Variants in SDK1 observed in about 807,000 individuals in gnomAD.
SDK1 encodes sidekick cell adhesion molecule 1.
A neutral mutation model predicts 245.5 loss-of-function variants in SDK1; 157 were observed. That is an observed-to-expected ratio of 0.64 (90% CI 0.56 to 0.73). SDK1 has a LOEUF of 0.73. Ranked by LOEUF, SDK1 falls within the 30% of genes least tolerant of loss-of-function variation. SDK1 has a pLI of 0.00. For missense variants in SDK1, 3,583 were observed against 3,002.3 expected, an observed-to-expected ratio of 1.19 and a Z score of -4.52; for synonymous variants, 1,647 against 1,278.5, an observed-to-expected ratio of 1.29 and a Z score of -6.15.
intron 1 of SDK1, among the ~76,000 whole-genome samples, chr7:3,378,834 T>C (rs1016152986): frequency 2.8e-4 from 42 of 152,150 alleles, no homozygotes; most frequent in Middle Eastern, 6.8e-3. Flanking sequence ...CGGGGTGGGC[T>C]TCTGCTCCAC....
intron 20 of SDK1, among the ~76,000 whole-genome samples, chr7:4,068,586 G>A (rs933931284): frequency 2.0e-5 from 3 of 152,008 alleles, no homozygotes; most frequent in Admixed American, 6.6e-5. Context: ...CAGGTACTTC[G>A]GAGGAGGTTC....
intron 5 of SDK1, among the ~76,000 whole-genome samples, chr7:3,943,269 C>A (rs1780436640): frequency 6.6e-6 from 1 of 150,928 alleles, no homozygotes; most frequent in South Asian, 2.1e-4. Context: ...GCTCAGAGCC[C>A]TGAGGGCAGG....
intron 17 of SDK1, among the ~76,000 whole-genome samples, chr7:4,043,720 T>C (rs183182587): frequency 9.8e-5 from 15 of 152,328 alleles, no homozygotes; most frequent in African/African-American, 3.4e-4. Flanking sequence ...ATTTAAATTA[T>C]GCAAATTTTT....
intron 1 of SDK1, among the ~76,000 whole-genome samples, chr7:3,385,338 A>G (rs2128568193): frequency 6.6e-6 from 1 of 152,320 alleles, no homozygotes; most frequent in Admixed American, 6.5e-5. Flanking sequence ...ATTAAAAAAC[A>G]AATGTAACTT....
chr7:3,999,585 G>A (rs913486747), intron 14 of SDK1, among the ~76,000 whole-genome samples: 1 of 152,158 alleles, frequency 6.6e-6, no homozygotes, highest in South Asian at 2.1e-4. Flanking sequence ...GAGGCTGGTG[G>A]CCAAGGACTC....
chr7:3,342,458 C>G (rs1461032199), intron 1 of SDK1, among the ~76,000 whole-genome samples: 1 of 152,040 alleles, frequency 6.6e-6, no homozygotes, highest in East Asian at 1.9e-4. Context: ...TGTGGTGGCA[C>G]ATGCCTGTAA....
intron 2 of SDK1, among the ~76,000 whole-genome samples, chr7:3,626,195 C>T (rs1032133499): frequency 1.3e-5 from 2 of 152,008 alleles, no homozygotes; most frequent in Non-Finnish European, 2.9e-5. Context: ...CTGCCTTGGT[C>T]TCCCAAAGTG....
At chr7:4,047,986 C>G (rs1789143497) in intron 17 of SDK1, among the ~76,000 whole-genome samples, 1 of 152,178 alleles carries the variant, frequency 6.6e-6, no homozygotes, top group Non-Finnish European at 1.5e-5. Flanking sequence ...CGAGGGGCAT[C>G]ACAGCCATGA....
In SDK1 at chr7:3,511,229, C is replaced by T. The variant is rs992249251; in HGVS notation, c.299-107851C>T. 3.9e-5 allele frequency among the ~76,000 whole-genome samples: 6 copies of T among 152,312 alleles called. No homozygotes were observed. The South Asian group carries it at 6.2e-4, about 16-fold the overall frequency. ...AATTTCATATTTTCCTTCTTGGGTA[C>T]TTACAAGATAATTTAGTACTTCTGA... On this transcript the variant is annotated intron_variant, in intron 1 of 44. Transcript: ENST00000404826.
At chr7:4,215,357 A>C (rs1164424797) in intron 38 of SDK1, among the ~76,000 whole-genome samples, 1 of 152,162 alleles carries the variant, frequency 6.6e-6, no homozygotes, top group African/African-American at 2.4e-5. Flanking sequence ...GAGTCCCCCT[A>C]CACCGACTCT....
intron 4 of SDK1, among the ~76,000 whole-genome samples, chr7:3,782,984 C>G (rs1419486367): frequency 6.6e-6 from 1 of 152,106 alleles, no homozygotes; most frequent in Non-Finnish European, 1.5e-5. Flanking sequence ...AAAATACTAA[C>G]AAACTGAATT....
At chr7:3,947,359 T>G (rs1205029074) in intron 5 of SDK1, among the ~76,000 whole-genome samples, 5 of 152,230 alleles carry the variant, frequency 3.3e-5, no homozygotes, top group Non-Finnish European at 7.3e-5. Context: ...ATCTGGCATT[T>G]TAGACTATGG....
intron 4 of SDK1, among the ~76,000 whole-genome samples, chr7:3,754,327 T>C (rs1380600487): frequency 6.6e-6 from 1 of 152,228 alleles, no homozygotes; most frequent in African/African-American, 2.4e-5. Context: ...GTCAAGATAA[T>C]TTAATTTTAC....
intron 38 of SDK1, among the ~76,000 whole-genome samples, chr7:4,217,198 GGAGCACCAGGCCACCCA>G (rs1280098967): frequency 7.3e-6 from 1 of 137,816 alleles, no homozygotes; most frequent in Non-Finnish European, 1.6e-5. Context: ...CCTGCCACCC[GGAGCACCAGGCCACCCA>G]GAGCACCAGG....
At position 3,608,573 on chromosome 7, in the gene SDK1, G is replaced by A. The variant is rs138829695; in HGVS notation, c.299-10507G>A. 7.9e-5 allele frequency among the ~76,000 whole-genome samples: 12 copies of A among 152,252 alleles called. No homozygotes were observed. The East Asian group carries it at 1.7e-3, about 22-fold the overall frequency. Reference sequence around the variant, plus strand: ...TGCCCACCATGAGCTTGACACTTTCGCATTATTTAAGGAGGTGTCTGATGA... The same window carrying A: ...TGCCCACCATGAGCTTGACACTTTCACATTATTTAAGGAGGTGTCTGATGA... On this transcript the variant is annotated intron_variant, in intron 1 of 44. Transcript: ENST00000404826.
intron 1 of SDK1, among the ~76,000 whole-genome samples, chr7:3,480,770 A>G (rs897367617): frequency 1.3e-5 from 2 of 152,216 alleles, no homozygotes; most frequent in African/African-American, 4.8e-5. Context: ...CTATGAGTCA[A>G]AGGATGCAGG....
In SDK1 at chr7:3,573,167, A is replaced by T. The variant is rs994165780; in HGVS notation, c.299-45913A>T. ...GAGTTTTAAATGGGGTGCTTATCTG[A>T]TGAAATACTTAGGAAGATTACCCTG... On this transcript the variant is annotated intron_variant, in intron 1 of 44. Coordinates refer to ENST00000404826, the MANE Select transcript of SDK1 (RefSeq NM_152744.4). Among the ~76,000 whole-genome samples, 2 of 152,106 alleles carry T rather than the reference A, an allele frequency of 1.3e-5. 1 individual carries two copies. Among genetic ancestry groups the T allele is most frequent in the Non-Finnish European group, 2.9e-5 (2 of 67,986 alleles).
At position 4,067,849 on chromosome 7, in the gene SDK1, G is replaced by A; in HGVS notation, c.2923G>A (p.Val975Met). The change falls in exon 20 of 45, where the codon GTG (valine) becomes ATG (methionine). Residue 975 changes from valine to methionine, a missense_variant. Val to Met is a conservative substitution (Grantham distance 21, BLOSUM62 1). Transcript: ENST00000404826. ...CTTTTAATTGGTAGAACCAGGAGCT[G>A]TGGGACATCTGAGTTTCACAGAGAT... ...VWTQEDKPGA[V>M]GHLSFTEILD... 1 of 1,612,674 alleles carries A rather than the reference G, an allele frequency of 6.2e-7. No homozygotes were observed. Among genetic ancestry groups the A allele is most frequent in the East Asian group, 2.2e-5 (1 of 44,884 alleles).
intron 4 of SDK1, among the ~76,000 whole-genome samples, chr7:3,669,415 C>T (rs1783628547): frequency 6.6e-6 from 1 of 152,140 alleles, no homozygotes; most frequent in Non-Finnish European, 1.5e-5. Context: ...TACTTCTGCT[C>T]CCACCAAAAC....
Sources: allele counts gnomAD v4.1 joint callset (sites outside exome capture counted in the v4.1 genomes callset), GRCh38; gene constraint gnomAD v4.1.1; transcripts MANE v1.5; gene names NCBI Gene and HGNC (gene_info 2026-07-23, HGNC 2026-07-21).